The following SEMA6D variants were observed in gnomAD, a reference collection of about 807,000 sequenced individuals.
SEMA6D encodes semaphorin-6D.
SEMA6D carries 35 observed loss-of-function variants against 106.6 expected under a neutral mutation model. That is an observed-to-expected ratio of 0.33 (90% CI 0.25 to 0.44). The LOEUF (loss-of-function observed/expected upper bound fraction) is 0.44, where lower values mean the gene tolerates loss of function less well. SEMA6D is among the 20% of genes least tolerant of loss of function. SEMA6D has a pLI of 1.00. For missense variants in SEMA6D, 1,185 were observed against 1,345.9 expected (o/e 0.88, Z 1.87); for synonymous variants, 499 against 487.7 (o/e 1.02, Z -0.31).
At chr15:47,276,219 C>T (rs1236563619) in intron 1 of SEMA6D, among the ~76,000 whole-genome samples, 1 of 152,114 alleles carries the variant, frequency 6.6e-6, no homozygotes, top group Non-Finnish European at 1.5e-5. Context: ...AGCAAATGCC[C>T]ATGGAGAAAC....
At chr15:47,617,345 G>A (rs1020144044) in intron 4 of SEMA6D, among the ~76,000 whole-genome samples, 2 of 152,156 alleles carry the variant, frequency 1.3e-5, no homozygotes, top group African/African-American at 4.8e-5. Flanking sequence ...AGGGGACTAC[G>A]AAAAGTAGTT....
chr15:47,614,583 C>T (rs542099014), intron 4 of SEMA6D, among the ~76,000 whole-genome samples: 19 of 152,314 alleles, frequency 1.2e-4, no homozygotes, highest in African/African-American at 4.6e-4. Context: ...CCTCCCAGCT[C>T]CAGTGTCTTT....
chr15:47,404,099 T>C (rs2040483022), intron 1 of SEMA6D, among the ~76,000 whole-genome samples: 1 of 152,030 alleles, frequency 6.6e-6, no homozygotes, highest in South Asian at 2.1e-4. Flanking sequence ...TCAGTAAGAG[T>C]GATGGTACGC....
At chr15:47,452,437 A>G (rs1017790150) in intron 2 of SEMA6D, among the ~76,000 whole-genome samples, 1 of 151,784 alleles carries the variant, frequency 6.6e-6, no homozygotes. Flanking sequence ...TCCAGTTTAT[A>G]TCTTTACATA....
intron 10 of SEMA6D, 35 bp from the exon 11 acceptor site, chr15:47,764,139 G>C (rs201448435): frequency 3.7e-6 from 6 of 1,612,472 alleles, no homozygotes. Context: ...GCTTCATGTC[G>C]CCAGCCTCTT....
At chr15:47,381,271 A>G (rs2039633331) in intron 1 of SEMA6D, among the ~76,000 whole-genome samples, 1 of 152,248 alleles carries the variant, frequency 6.6e-6, no homozygotes, top group Non-Finnish European at 1.5e-5. Flanking sequence ...AATTTGAACA[A>G]TCCAATTAGA....
chr15:47,613,310 T>C (rs1212722929), intron 4 of SEMA6D, among the ~76,000 whole-genome samples: 1 of 152,236 alleles, frequency 6.6e-6, no homozygotes, highest in Non-Finnish European at 1.5e-5. Flanking sequence ...TTTTCAGCAC[T>C]GTTTTAATGA....
chr15:47,484,997 T>C (rs908092970), intron 3 of SEMA6D, among the ~76,000 whole-genome samples: 32 of 152,188 alleles, frequency 2.1e-4, no homozygotes, highest in African/African-American at 7.5e-4. Flanking sequence ...CATAAGGATG[T>C]CTATAGCACA....
At chr15:47,531,660 A>C (rs2044972286) in intron 3 of SEMA6D, among the ~76,000 whole-genome samples, 1 of 152,204 alleles carries the variant, frequency 6.6e-6, no homozygotes, top group African/African-American at 2.4e-5. Context: ...TGGGGACATT[A>C]CCAGTCTCCC....
At chr15:47,605,459 C>G (rs2076759430) in intron 4 of SEMA6D, 2 of 152,174 alleles carry the variant, frequency 1.3e-5, no homozygotes, top group Non-Finnish European at 1.5e-5. Flanking sequence ...TCCAACAATT[C>G]TATTCAATTC....
chr15:47,553,142 A>T (rs1009086020), intron 3 of SEMA6D, among the ~76,000 whole-genome samples: 3 of 151,186 alleles, frequency 2.0e-5, no homozygotes, highest in African/African-American at 2.4e-5. Context: ...AACTTCAGGC[A>T]ATCCGCCCAT....
At chr15:47,727,937 C>A (rs554920395) in intron 1 of SEMA6D, among the ~76,000 whole-genome samples, 2 of 152,346 alleles carry the variant, frequency 1.3e-5, no homozygotes, top group Non-Finnish European at 2.9e-5. Context: ...AGTGCTCAAG[C>A]CGTGCTTGGA....
chr15:47,305,350 A>G (rs894295191), intron 1 of SEMA6D, among the ~76,000 whole-genome samples: 1 of 152,194 alleles, frequency 6.6e-6, no homozygotes, highest in African/African-American at 2.4e-5. Context: ...ATGATTAGGA[A>G]TATCTATAGA....
At chr15:47,704,175 A>T (rs2078869445) in intron 4 of SEMA6D, among the ~76,000 whole-genome samples, 1 of 152,072 alleles carries the variant, frequency 6.6e-6, no homozygotes, top group Non-Finnish European at 1.5e-5. Context: ...TTGTAGAGAT[A>T]AGGTCTTAGT....
chr15:47,769,173 A>G (rs538807112), intron 18 of SEMA6D, among the ~76,000 whole-genome samples: 1 of 152,210 alleles, frequency 6.6e-6, no homozygotes, highest in Non-Finnish European at 1.5e-5. Flanking sequence ...TCTGAAAAGG[A>G]TATGTGAGAT....
intron 4 of SEMA6D, among the ~76,000 whole-genome samples, chr15:47,642,938 G>C (rs1034688474): frequency 2.6e-5 from 4 of 151,958 alleles, no homozygotes; most frequent in African/African-American, 4.8e-5. Flanking sequence ...GATTGCAATG[G>C]AGAGTAAGAT....
At chr15:47,555,448 C>T (rs1282592370) in intron 3 of SEMA6D, among the ~76,000 whole-genome samples, 8 of 152,160 alleles carry the variant, frequency 5.3e-5, no homozygotes, top group South Asian at 4.2e-4. Context: ...GCATACAATA[C>T]GTTTCATTTT....
intron 3 of SEMA6D, among the ~76,000 whole-genome samples, chr15:47,526,578 A>C (rs1384843380): frequency 1.3e-5 from 2 of 152,120 alleles, no homozygotes; most frequent in Non-Finnish European, 2.9e-5. Context: ...GTGCATATTT[A>C]ATTTGGAATC....
rs1034198070 is a variant in SEMA6D at position 47,242,801 on chromosome 15, A to G, written c.-239+58383A>G. ...TGGAAATTTTAAACAAGTAGAGGTG[A>G]CTCTCATTAACAAGAGAATACATTA... On this transcript the variant is annotated intron_variant, in intron 1 of 19. Coordinates refer to the SEMA6D transcript ENST00000558014. Among the ~76,000 whole-genome samples, 11 of 152,086 alleles carry G rather than the reference A, an allele frequency of 7.2e-5. 1 individual carries two copies. Among genetic ancestry groups the G allele is most frequent in the Admixed American group, 7.2e-4 (11 of 15,244 alleles).
Sources: gnomAD v4.1 joint callset for allele counts (sites outside exome capture counted in the v4.1 genomes callset) on GRCh38, gnomAD v4.1.1 for gene constraint, MANE v1.5 for transcripts, NCBI Gene and HGNC (gene_info 2026-07-23, HGNC 2026-07-21) for gene names.